RCC1L: variants seen among roughly 807,000 people sequenced by gnomAD.
RCC1L encodes RCC1 like.
RCC1L carries 46 observed loss-of-function variants against 58.6 expected under a neutral mutation model. The observed-to-expected ratio is 0.79, with a 90% CI of 0.62 to 1.00. The LOEUF (loss-of-function observed/expected upper bound fraction) is 1.00. Among genes scored for constraint, RCC1L ranks in the 50% least tolerant of loss-of-function variants. The pLI, the probability that RCC1L is intolerant of heterozygous loss-of-function variation, is 0.00. For missense variants in RCC1L, 636 were observed against 623.6 expected (o/e 1.02, Z -0.21); for synonymous variants, 281 against 262.9 (o/e 1.07, Z -0.67).
chr7:75,063,938 TAAATAA>T (rs1347102942), intron 4 of RCC1L, among the ~76,000 whole-genome samples: 3 of 149,526 alleles, frequency 2.0e-5, no homozygotes, highest in African/African-American at 7.4e-5. Context: ...AAACAAAAAA[TAAATAA>T]AAATAAAATG....
At position 75,042,940 on chromosome 7, in the gene RCC1L, C is replaced by T; in HGVS notation, c.*92G>A. 1 of 1,599,910 alleles carries T rather than the reference C, an allele frequency of 6.3e-7. No individual in the cohort carries two copies. Among genetic ancestry groups the T allele is most frequent in the African/African-American group, 1.3e-5 (1 of 74,906 alleles). On this transcript the variant is annotated 3_prime_UTR_variant, in exon 11 of 11. Transcript: ENST00000610322. ...ACGCAGGGTCCTCCGCCACCACCAT[C>T]CAAGAACCCCGGGGGGCTGGCCACG...
downstream of RCC1L, among the ~76,000 whole-genome samples, chr7:75,040,197 C>T (rs994833855): frequency 5.1e-4 from 78 of 152,326 alleles, no homozygotes; most frequent in African/African-American, 1.7e-3. Context: ...TGGTGGCTCA[C>T]GCCTGTCATC....
intron 10 of RCC1L, among the ~76,000 whole-genome samples, chr7:75,032,249 C>T (rs913350478): frequency 8.1e-4 from 123 of 152,122 alleles, no homozygotes; most frequent in African/African-American, 2.9e-3. Flanking sequence ...AGGAGTTGGA[C>T]GGGGCCTTTC....
chr7:75,056,807 C>T (rs934806877), intron 8 of RCC1L: 37 of 1,295,384 alleles, frequency 2.9e-5, no homozygotes, highest in Non-Finnish European at 3.8e-5. Context: ...CCAATGCCAT[C>T]TTCCCATGGC....
At chr7:75,065,756 G>A (rs77744129) in intron 3 of RCC1L, among the ~76,000 whole-genome samples, 5,193 of 152,156 alleles carry the variant, frequency 0.034, 253 homozygotes, top group African/African-American at 0.1. Flanking sequence ...AGTGGGTCAC[G>A]TCTATAATCC....
intron 10 of RCC1L, among the ~76,000 whole-genome samples, chr7:75,050,389 C>G (rs941821761): frequency 6.6e-6 from 1 of 152,188 alleles, no homozygotes; most frequent in South Asian, 2.1e-4. Flanking sequence ...TCAACGGGAT[C>G]GGGCTCCGGC....
At chr7:75,054,990 T>C (rs1806029334) in intron 9 of RCC1L, among the ~76,000 whole-genome samples, 2 of 152,076 alleles carry the variant, frequency 1.3e-5, no homozygotes, top group African/African-American at 4.8e-5. Context: ...AGACAATAAG[T>C]GAATAGCAGT....
At chr7:75,048,096 A>G (rs1426776074) in intron 10 of RCC1L, among the ~76,000 whole-genome samples, 168 of 150,866 alleles carry the variant, frequency 1.1e-3, no homozygotes, top group African/African-American at 3.8e-3. Context: ...GTGAAACCTC[A>G]TCTCTACTAA....
chr7:75,050,574 T>TC (rs1199204497), intron 10 of RCC1L, among the ~76,000 whole-genome samples: 43 of 151,664 alleles, frequency 2.8e-4, no homozygotes, highest in Non-Finnish European at 5.6e-4. Flanking sequence ...TTTCCCAAGT[T>TC]CCCCCCTCAG....
intron 10 of RCC1L, among the ~76,000 whole-genome samples, chr7:75,030,475 A>T (rs1805271321): frequency 6.6e-6 from 1 of 152,056 alleles, no homozygotes; most frequent in African/African-American, 2.4e-5. Flanking sequence ...ACTACTCTGG[A>T]GGGGGGCAAA....
intron 10 of RCC1L, among the ~76,000 whole-genome samples, chr7:75,052,463 C>A (rs1436305759): frequency 2.0e-5 from 3 of 152,212 alleles, no homozygotes; most frequent in African/African-American, 7.2e-5. Flanking sequence ...AGCTCCTGCA[C>A]CCCAAGAAGC....
At chr7:75,066,849 C>G in intron 2 of RCC1L, 57 bp from the exon 3 acceptor site, 1 of 1,560,206 alleles carries the variant, frequency 6.4e-7, no homozygotes, top group Non-Finnish European at 8.7e-7. Context: ...GGAAATCATA[C>G]TGTCCAACTC....
Position 75,070,727 on chromosome 7 carries a change from AG to A in RCC1L, c.366del (p.Ser123LeufsTer67), listed in dbSNP as rs1554445954. 1 of 1,614,178 alleles carries A rather than the reference AG, an allele frequency of 6.2e-7. No homozygotes were observed. Among genetic ancestry groups the A allele is most frequent in the Non-Finnish European group, 8.5e-7 (1 of 1,180,026 alleles). Reference protein sequence around the residue: ...AACGYGFTLLSSKTADVTKVW... With the variant: ...AACGYGFTLLXSKTADVTKVW... ...ACTTTCGTAACATCCGCAGTCTTAG[AG>A]GACAGCAGTGTGAATCCATAGCCGC... On this transcript the variant is annotated frameshift_variant, in exon 2 of 11. Transcript: ENST00000610322. LOFTEE classifies it high-confidence loss of function.
At chr7:75,072,748 G>A (rs1012306411) in intron 1 of RCC1L, among the ~76,000 whole-genome samples, 20 of 152,186 alleles carry the variant, frequency 1.3e-4, no homozygotes, top group African/African-American at 3.4e-4. Flanking sequence ...GGGAGGCCAA[G>A]GCGGGCGGAT....
intron 3 of RCC1L, 112 bp from the exon 4 acceptor site, chr7:75,064,760 C>A: frequency 8.5e-7 from 1 of 1,181,704 alleles, no homozygotes; most frequent in South Asian, 1.2e-5. Context: ...ACCCCCACCC[C>A]CCAACTGCCC....
At position 75,070,676 on chromosome 7, in the gene RCC1L, A is replaced by C. The variant is rs1554445937; in HGVS notation, c.418T>G (p.Ser140Ala). The C allele has an allele frequency of 6.2e-7, 1 of 1,613,890 alleles. No individual in the cohort carries two copies. The highest frequency in any genetic ancestry group is 1.3e-5 in the African/African-American group (1 of 74,884). Reference sequence around the variant, plus strand: ...CGGCTCCTGTGAAATCCAAGCTGAGAATCTTTGTTGAGTCCCATCCCCCAG... The same window carrying C: ...CGGCTCCTGTGAAATCCAAGCTGAGCATCTTTGTTGAGTCCCATCCCCCAG... Reference protein sequence around the residue: ...KVWGMGLNKDSQLGFHRSRKD... With the variant: ...KVWGMGLNKDAQLGFHRSRKD... The change falls in exon 2 of 11, where the codon TCT becomes GCT. Residue 140 changes from serine to alanine, a missense_variant. Transcript: ENST00000610322.
At chr7:75,030,032 G>T (rs1012067528) in intron 10 of RCC1L, among the ~76,000 whole-genome samples, 21 of 152,342 alleles carry the variant, frequency 1.4e-4, no homozygotes, top group African/African-American at 4.8e-4. Context: ...AAGGAAGCCA[G>T]CCAGGAGCAG....
chr7:75,065,875 A>G (rs1003771292), intron 3 of RCC1L, among the ~76,000 whole-genome samples: 1 of 151,362 alleles, frequency 6.6e-6, no homozygotes, highest in Non-Finnish European at 1.5e-5. Flanking sequence ...AAAATTAGCC[A>G]GGCGTGGTGG....
Position 75,058,649 on chromosome 7 carries a change from C to T in RCC1L, c.908G>A (p.Gly303Glu). 2.5e-6 allele frequency: 4 copies of T among 1,613,688 alleles called. No individual in the cohort carries two copies. In the Admixed American group the frequency reaches 6.7e-5, roughly 27 times the overall value. ...CTCCGAGTTTCCCCAACCAAAAAGT[C>T]CTCCGTCGGCGGACACGGCCAGGCA... ...DCCLAVSADG[G>E]LFGWGNSEYL... The change falls in exon 7 of 11, where the codon GGA (glycine) becomes GAA (glutamate). Residue 303 changes from glycine to glutamate, a missense_variant. Gly to Glu is a moderately conservative substitution (Grantham distance 98, BLOSUM62 -2). Transcript: ENST00000610322.
Sources: gnomAD v4.1 joint callset for allele counts (sites outside exome capture counted in the v4.1 genomes callset) on GRCh38, gnomAD v4.1.1 for gene constraint, MANE v1.5 for transcripts, NCBI Gene and HGNC (gene_info 2026-07-23, HGNC 2026-07-21) for gene names.